POT1: variants seen among roughly 807,000 people sequenced by gnomAD.
POT1 encodes the protein protection of telomeres 1.
In POT1, 47 loss-of-function variants were observed where a neutral mutation model predicts 78.5. The observed-to-expected ratio is 0.60, with a 90% CI of 0.47 to 0.76. POT1 has a LOEUF of 0.76. Ranked by LOEUF, POT1 falls within the 30% of genes least tolerant of loss-of-function variation. The probability of loss-of-function intolerance (pLI) is 0.00; values close to 1 mark genes in which losing one functional copy is unlikely to be tolerated. For missense variants in POT1, 646 were observed against 749.9 expected, an observed-to-expected ratio of 0.86 and a Z score of 1.62; for synonymous variants, 259 against 260.7, an observed-to-expected ratio of 0.99 and a Z score of 0.06.
At chr7:124,900,819 G>C (rs1013443641) in intron 3 of POT1, 8 of 393,616 alleles carry the variant, frequency 2.0e-5, no homozygotes, top group Admixed American at 2.0e-4. Flanking sequence ...CTTTTCCAAC[G>C]GTCTTAGCAA....
chr7:124,891,118 G>A (rs764091533), intron 6 of POT1, among the ~76,000 whole-genome samples: 2 of 151,716 alleles, frequency 1.3e-5, no homozygotes, highest in Non-Finnish European at 3.0e-5. Flanking sequence ...GTGGTGAAAT[G>A]AAACCTCCTA....
intron 2 of POT1, among the ~76,000 whole-genome samples, chr7:124,925,997 A>G (rs545068962): frequency 6.6e-6 from 1 of 152,306 alleles, no homozygotes; most frequent in South Asian, 2.1e-4. Flanking sequence ...CCAAAACTAT[A>G]AAAATATAGA....
At chr7:124,853,255 AC>A in intron 9 of POT1, 117 bp from the exon 10 acceptor site, 1 of 736,448 alleles carries the variant, frequency 1.4e-6, no homozygotes, top group East Asian at 2.7e-5. Flanking sequence ...CAGGAAATAT[AC>A]TAAAGTATCT....
chr7:124,877,840 CAAAAAAAAAAAAAA>C (rs201285982), intron 6 of POT1, among the ~76,000 whole-genome samples: 61 of 80,572 alleles, frequency 7.6e-4, no homozygotes, highest in Admixed American at 2.3e-3. Context: ...GATTCTGTCT[CAAAAAAAAAAAAAA>C]AAAAAAAAAA....
chr7:124,884,956 G>A (rs1393618559), intron 6 of POT1, among the ~76,000 whole-genome samples: 1 of 149,262 alleles, frequency 6.7e-6, no homozygotes, highest in Non-Finnish European at 1.5e-5. Context: ...TCCCTTATAT[G>A]TGTTATCTAG....
intron 17 of POT1, 128 bp from the exon 18 acceptor site, chr7:124,825,485 T>C (rs1348409770): frequency 7.4e-6 from 4 of 539,790 alleles, no homozygotes; most frequent in South Asian, 3.7e-5. Context: ...ATCAAGATTG[T>C]AGAATTCATA....
chr7:124,850,562 C>T (rs1795280004), intron 11 of POT1, among the ~76,000 whole-genome samples: 1 of 152,044 alleles, frequency 6.6e-6, no homozygotes, highest in Admixed American at 6.5e-5. Context: ...CCCGTCTCTA[C>T]TAAAAATATA....
At chr7:124,829,004 C>T in intron 16 of POT1, 1 of 690,034 alleles carries the variant, frequency 1.4e-6, no homozygotes, top group Non-Finnish European at 2.7e-6. Context: ...AAGTGGAATG[C>T]TTACTGAGGA....
At chr7:124,850,349 A>G (rs779961251) in intron 11 of POT1, among the ~76,000 whole-genome samples, 1 of 152,260 alleles carries the variant, frequency 6.6e-6, no homozygotes, top group Non-Finnish European at 1.5e-5. Flanking sequence ...TGGACAAATT[A>G]TATGATATCC....
At chr7:124,896,887 A>T (rs1027650929) in intron 5 of POT1, among the ~76,000 whole-genome samples, 6 of 151,760 alleles carry the variant, frequency 4.0e-5, no homozygotes, top group African/African-American at 1.2e-4. Flanking sequence ...CATACAGTAA[A>T]AACTTATTTT....
chr7:124,847,070 T>C (rs1243534567), intron 11 of POT1, 72 bp from the exon 12 acceptor site: 5 of 1,017,638 alleles, frequency 4.9e-6, no homozygotes, highest in Non-Finnish European at 7.6e-6. Flanking sequence ...AATGGAGCGT[T>C]GCTGAGAGAA....
At chr7:124,830,909 C>T (rs909469077) in intron 15 of POT1, among the ~76,000 whole-genome samples, 11 of 152,016 alleles carry the variant, frequency 7.2e-5, no homozygotes, top group African/African-American at 2.2e-4. Flanking sequence ...ATCTCTAACA[C>T]GGAAAGAAAC....
At chr7:124,857,929 C>A (rs1795486851) in intron 9 of POT1, among the ~76,000 whole-genome samples, 1 of 152,124 alleles carries the variant, frequency 6.6e-6, no homozygotes, top group Non-Finnish European at 1.5e-5. Context: ...CAGGGGTCAC[C>A]AGCACCCTCT....
intron 5 of POT1, among the ~76,000 whole-genome samples, chr7:124,894,889 G>A (rs1796455737): frequency 6.6e-6 from 1 of 151,620 alleles, no homozygotes; most frequent in South Asian, 2.1e-4. Flanking sequence ...AAGTAACAAG[G>A]AGAAATGATA....
At chr7:124,835,809 T>C (rs768362070) in intron 14 of POT1, among the ~76,000 whole-genome samples, 2 of 152,206 alleles carry the variant, frequency 1.3e-5, no homozygotes, top group Non-Finnish European at 2.9e-5. Context: ...TAAATCTCAA[T>C]TTTCAGGTCA....
intron 16 of POT1, 150 bp downstream of exon 16, chr7:124,829,104 T>TTG (rs1794699324): frequency 1.3e-6 from 1 of 770,662 alleles, no homozygotes; most frequent in Non-Finnish European, 2.4e-6. Context: ...GCAGATATCT[T>TTG]TAAATTTACA....
intron 6 of POT1, among the ~76,000 whole-genome samples, chr7:124,888,777 T>C (rs1353216534): frequency 6.6e-6 from 1 of 152,026 alleles, no homozygotes; most frequent in African/African-American, 2.4e-5. Flanking sequence ...CTGTGATCAG[T>C]GATCTTTGGC....
intron 6 of POT1, among the ~76,000 whole-genome samples, chr7:124,879,409 GA>G (rs1796066420): frequency 6.6e-6 from 1 of 152,146 alleles, no homozygotes; most frequent in Non-Finnish European, 1.5e-5. Context: ...GAATCATGAA[GA>G]AAATCTGCCT....
intron 15 of POT1, among the ~76,000 whole-genome samples, chr7:124,830,436 T>C (rs1794732811): frequency 6.6e-6 from 1 of 152,174 alleles, no homozygotes; most frequent in Non-Finnish European, 1.5e-5. Context: ...TACCCTTCTA[T>C]TTATTAAATA....
Sources: allele counts gnomAD v4.1 joint callset (sites outside exome capture counted in the v4.1 genomes callset), GRCh38; gene constraint gnomAD v4.1.1; transcripts MANE v1.5; gene names NCBI Gene and HGNC (gene_info 2026-07-23, HGNC 2026-07-21).